Variants in MTOR observed in about 807,000 individuals in gnomAD.
MTOR encodes mechanistic target of rapamycin kinase.
A neutral mutation model predicts 319.8 loss-of-function variants in MTOR; 70 were observed. The observed-to-expected ratio is 0.22, with a 90% CI of 0.18 to 0.27. MTOR has a LOEUF of 0.27. Ranked by LOEUF, MTOR falls within the 10% of genes least tolerant of loss-of-function variation. The pLI, the probability that MTOR is intolerant of heterozygous loss-of-function variation, is 1.00. For missense variants in MTOR, 1,890 were observed against 3,274.4 expected (o/e 0.58, Z 10.32); for synonymous variants, 1,183 against 1,211.4 (o/e 0.98, Z 0.49).
At chr1:11,145,789 C>T (rs894227148) in intron 32 of MTOR, among the ~76,000 whole-genome samples, 1 of 152,022 alleles carries the variant, frequency 6.6e-6, no homozygotes, top group Non-Finnish European at 1.5e-5. Flanking sequence ...CAGGTGTGAG[C>T]CACTGTGCCC....
chr1:11,147,205 T>G (rs1176470290), intron 31 of MTOR, among the ~76,000 whole-genome samples: 1 of 152,202 alleles, frequency 6.6e-6, no homozygotes, highest in Admixed American at 6.5e-5. Context: ...GAAATTACAT[T>G]TTCCTCCAAA....
intron 30 of MTOR, among the ~76,000 whole-genome samples, chr1:11,153,379 C>T (rs1248776530): frequency 2.6e-5 from 4 of 152,172 alleles, no homozygotes; most frequent in South Asian, 2.1e-4. Flanking sequence ...GCTGAAGAAG[C>T]GGGCTGGTGC....
At chr1:11,148,976 G>A (rs1431690511) in intron 31 of MTOR, among the ~76,000 whole-genome samples, 1 of 151,816 alleles carries the variant, frequency 6.6e-6, no homozygotes, top group Non-Finnish European at 1.5e-5. Flanking sequence ...ATGTTGCCCA[G>A]GCTGATTTCA....
intron 28 of MTOR, among the ~76,000 whole-genome samples, chr1:11,189,112 C>T (rs147760605): frequency 4.6e-5 from 7 of 152,220 alleles, no homozygotes; most frequent in Non-Finnish European, 1.0e-4. Flanking sequence ...ATCTAATAGG[C>T]GAAACTGGAA....
chr1:11,204,160 C>T (rs1458472880), intron 26 of MTOR, among the ~76,000 whole-genome samples: 1 of 152,180 alleles, frequency 6.6e-6, no homozygotes, highest in African/African-American at 2.4e-5. Flanking sequence ...TCCCAAAAGT[C>T]CTCCCAAATT....
intron 28 of MTOR, chr1:11,189,867 A>G: frequency 6.2e-7 from 1 of 1,614,202 alleles, no homozygotes; most frequent in South Asian, 1.1e-5. Context: ...CGCGGCTCAC[A>G]GATGCTGAGA....
chr1:11,114,951 A>G, intron 51 of MTOR, 64 bp from the exon 52 acceptor site: 1 of 1,455,314 alleles, frequency 6.9e-7, no homozygotes, highest in Admixed American at 1.7e-5. Flanking sequence ...AGCCAGGTGG[A>G]GCAGGTGGCT....
intron 19 of MTOR, among the ~76,000 whole-genome samples, chr1:11,223,137 C>A (rs1015324001): frequency 2.0e-5 from 3 of 149,608 alleles, no homozygotes; most frequent in Admixed American, 2.0e-4. Flanking sequence ...AGAAACAGGA[C>A]AAATGACCTG....
chr1:11,207,686 G>A (rs188047269), intron 25 of MTOR, among the ~76,000 whole-genome samples: 1 of 147,120 alleles, frequency 6.8e-6, no homozygotes, highest in African/African-American at 2.5e-5. Flanking sequence ...TTATACAGAT[G>A]GTGTTTTACT....
Position 11,238,496 on chromosome 1 carries a change from G to A in MTOR, c.1908C>T (p.Leu636=). 6.2e-7 allele frequency: 1 copy of A among 1,614,222 alleles called. No individual in the cohort carries two copies. Among genetic ancestry groups the A allele is most frequent in the South Asian group, 1.1e-5 (1 of 91,082 alleles). ...CSRLLTPSIH[L]ISGHAHVVSQ... is the part of the protein sequence containing the mutation. ...TAACCACATGAGCATGGCCACTGAT[G>A]AGGTGGATGGAGGGTGTGAGCAGGC... Residue 636 remains leucine, a synonymous_variant, in exon 12 of 58, where the codon CTC becomes CTT. Coordinates refer to ENST00000361445, the MANE Select transcript of MTOR (RefSeq NM_004958.4).
chr1:11,169,193 A>C (rs530324581), intron 28 of MTOR, among the ~76,000 whole-genome samples: 1 of 152,282 alleles, frequency 6.6e-6, no homozygotes, highest in Non-Finnish European at 1.5e-5. Flanking sequence ...GAAATTGCCC[A>C]GAAATCTAAA....
At chr1:11,108,111 C>A in intron 57 of MTOR, 70 bp downstream of exon 57, 1 of 1,266,270 alleles carries the variant, frequency 7.9e-7, no homozygotes, top group Admixed American at 1.8e-5. Flanking sequence ...TTTTGCTACT[C>A]TGGCTTTGGG....
intron 38 of MTOR, chr1:11,131,877 C>T (rs1643178771): frequency 6.6e-6 from 1 of 152,200 alleles, no homozygotes; most frequent in Admixed American, 6.6e-5. Flanking sequence ...TCCGTTTTCT[C>T]AACTAAGGAG....
intron 20 of MTOR, 143 bp downstream of exon 20, chr1:11,216,005 C>T: frequency 6.1e-6 from 3 of 494,790 alleles, no homozygotes; most frequent in Admixed American, 3.4e-5. Flanking sequence ...CCTCAAAATC[C>T]AGTGGGCTTT....
chr1:11,198,807 T>A (rs1408490237), intron 28 of MTOR, among the ~76,000 whole-genome samples: 1 of 152,236 alleles, frequency 6.6e-6, no homozygotes, highest in African/African-American at 2.4e-5. Context: ...CTGCCTTTTA[T>A]ATTCACAAAA....
At chr1:11,190,444 T>A (rs1442099660) in intron 28 of MTOR, among the ~76,000 whole-genome samples, 1 of 152,206 alleles carries the variant, frequency 6.6e-6, no homozygotes, top group African/African-American at 2.4e-5. Flanking sequence ...TAAACGTAAC[T>A]CTTCTCATTG....
In MTOR at chr1:11,256,936, T is replaced by C; in HGVS notation, c.501A>G (p.Ala167=). Reference sequence around the variant, plus strand: ...GCTCCTCCCTGTAGACACTCACAGCTGCATGTCTCCGGCCCTCATTGCGGT... The same window carrying C: ...GCTCCTCCCTGTAGACACTCACAGCCGCATGTCTCCGGCCCTCATTGCGGT... The part of the protein sequence containing the change: ...GADRNEGRRH[A]AVLVLRELAI... The change falls in exon 4 of 58, where the codon GCA becomes GCG. Residue 167 remains alanine, a synonymous_variant. Transcript: ENST00000361445. 6.2e-7 allele frequency: 1 copy of C among 1,613,380 alleles called. No homozygotes were observed. Among genetic ancestry groups the C allele is most frequent in the East Asian group, 2.2e-5 (1 of 44,888 alleles).
intron 19 of MTOR, among the ~76,000 whole-genome samples, chr1:11,227,297 C>CA (rs59546882): frequency 0.033 from 2,456 of 73,922 alleles, 314 homozygotes; most frequent in African/African-American, 0.13. Context: ...GACTTTGTCT[C>CA]AAAAAAAAAA....
chr1:11,227,950 C>T (rs983456881), intron 19 of MTOR, among the ~76,000 whole-genome samples: 2 of 151,978 alleles, frequency 1.3e-5, no homozygotes, highest in African/African-American at 2.4e-5. Flanking sequence ...CCTACTCGGC[C>T]GCATGCTCGC....
Sources: gnomAD v4.1 joint callset for allele counts (sites outside exome capture counted in the v4.1 genomes callset) on GRCh38, gnomAD v4.1.1 for gene constraint, MANE v1.5 for transcripts, NCBI Gene and HGNC (gene_info 2026-07-23, HGNC 2026-07-21) for gene names.